Variants in PCNX4 observed in about 807,000 individuals in gnomAD.
The protein encoded by PCNX4 is pecanex-like protein 4.
In PCNX4, 103 loss-of-function variants were observed where a neutral mutation model predicts 107.2. That is an observed-to-expected ratio of 0.96 (90% confidence interval 0.82 to 1.13). PCNX4 has a LOEUF of 1.13. PCNX4 is among the 50% of genes most tolerant of loss of function. The pLI is 0.00. For missense variants in PCNX4, 1,528 were observed against 1,379.4 expected, an observed-to-expected ratio of 1.11 and a Z score of -1.71; for synonymous variants, 541 against 481.7, an observed-to-expected ratio of 1.12 and a Z score of -1.61.
chr14:60,147,083 C>T lies in PCNX4; in HGVS notation c.*12862C>T, dbSNP rs1004615628. 2 of 151,982 alleles carry T rather than the reference C, an allele frequency of 1.3e-5. No individual in the cohort carries two copies. Among genetic ancestry groups the T allele is most frequent in the African/African-American group, 2.4e-5 (1 of 41,372 alleles). The allele number at this position is 151,982 out of a possible 1,614,324, so 9.4% of individuals were successfully genotyped here. On this transcript the variant is annotated 3_prime_UTR_variant, in exon 11 of 11. Coordinates refer to ENST00000406854, the MANE Select transcript of PCNX4 (RefSeq NM_001330177.2). Reference sequence around the variant, plus strand: ...ACCCGTCTCTACAAAAACTACAAAACCTAGCCAGGCATGGTGGTGTGCGCC... The same window carrying T: ...ACCCGTCTCTACAAAAACTACAAAATCTAGCCAGGCATGGTGGTGTGCGCC...
intron 1 of PCNX4, among the ~76,000 whole-genome samples, chr14:60,095,370 CA>C (rs1487103218): frequency 6.6e-6 from 1 of 152,086 alleles, no homozygotes; most frequent in African/African-American, 2.4e-5. Context: ...TCTGGTGGGC[CA>C]GGGGTAACTG....
chr14:60,121,049 G>T, intron 7 of PCNX4, 147 bp from the exon 8 acceptor site: 1 of 995,528 alleles, frequency 1.0e-6, no homozygotes. Context: ...CACATGAATA[G>T]TTATTTCTGT....
At chr14:60,113,130 G>A (rs574009427) in intron 2 of PCNX4, among the ~76,000 whole-genome samples, 14 of 152,258 alleles carry the variant, frequency 9.2e-5, no homozygotes, top group Non-Finnish European at 1.9e-4. Flanking sequence ...GCAGTGAGCC[G>A]AGATTGCGCC....
At chr14:60,102,583 T>C (rs2140532897) in intron 1 of PCNX4, among the ~76,000 whole-genome samples, 1 of 152,310 alleles carries the variant, frequency 6.6e-6, no homozygotes, top group East Asian at 1.9e-4. Flanking sequence ...TCTGTGGCTA[T>C]TTTGTTGGCC....
intron 8 of PCNX4, among the ~76,000 whole-genome samples, chr14:60,122,717 A>G (rs1215860305): frequency 6.6e-6 from 1 of 152,092 alleles, no homozygotes; most frequent in African/African-American, 2.4e-5. Context: ...AAGCACAGGG[A>G]TCTCTTGTTT....
chr14:60,114,760 AT>A lies in PCNX4; in HGVS notation c.755del (p.Leu252TyrfsTer25), dbSNP rs768949823. 3 of 1,613,368 alleles carry A rather than the reference AT, an allele frequency of 1.9e-6. No individual in the cohort carries two copies. The African/African-American group carries it at 4.0e-5, about 22-fold the overall frequency. ...ATCAGATTTTACACATCTTGTTTGT[AT>A]TTTTACCCTTTCTGTGGGCACTTGG... ...MNQILHILFV[F>X]LPFLWALGTL... On this transcript the variant is annotated frameshift_variant, in exon 3 of 11. Coordinates refer to ENST00000406854, the MANE Select transcript of PCNX4 (RefSeq NM_001330177.2). LOFTEE classifies it high-confidence loss of function.
At chr14:60,118,211 A>C in intron 6 of PCNX4, 118 bp from the exon 7 acceptor site, 1 of 1,304,460 alleles carries the variant, frequency 7.7e-7, no homozygotes, top group Non-Finnish European at 9.9e-7. Flanking sequence ...AATAAGATTT[A>C]TTTCTTCAAA....
At chr14:60,125,358 ACTTT>A (rs927595467) in intron 9 of PCNX4, 107 bp downstream of exon 9, 2 of 1,193,204 alleles carry the variant, frequency 1.7e-6, no homozygotes, top group African/African-American at 3.1e-5. Context: ...TTTAAAATTT[ACTTT>A]CTTCAAAATG....
rs1285531662 is a variant in PCNX4 at position 60,118,361 on chromosome 14, C to T, written c.1611C>T (p.Phe537=). The part of the protein sequence containing the change: ...VGIIRDRLIQ[F]ISKLQFAVTV... ...TCATACGTGATCGTTTGATTCAGTT[C>T]ATCTCTAAATTGCAGTTTGCCGTGA... is the stretch of plus-strand genomic sequence containing the variant. The change falls in exon 7 of 11, where the codon TTC becomes TTT. Residue 537 remains phenylalanine, a synonymous_variant. Coordinates refer to ENST00000406854, the MANE Select transcript of PCNX4 (RefSeq NM_001330177.2). 1.9e-6 allele frequency: 3 copies of T among 1,612,410 alleles called. No homozygotes were observed. In the African/African-American group the frequency reaches 4.0e-5, roughly 22 times the overall value.
At chr14:60,128,385 C>A (rs1167478078) in intron 10 of PCNX4, among the ~76,000 whole-genome samples, 14 of 152,148 alleles carry the variant, frequency 9.2e-5, no homozygotes, top group Admixed American at 9.2e-4. Flanking sequence ...ATATAAAATT[C>A]TGATTTGTCA....
In PCNX4 at chr14:60,134,793, T is replaced by C. The variant is rs79386785; in HGVS notation, c.*572T>C. On this transcript the variant is annotated 3_prime_UTR_variant, in exon 11 of 11. Transcript: ENST00000406854. ...AAACTTTAAAAAACTTTTAATAAAA[T>C]ATTTTCCTTCCTTTTCAAATATCCT... The C allele has an allele frequency of 3.3e-3, 507 of 152,522 alleles. 17 individuals carry two copies. The East Asian group carries it at 0.056, about 17-fold the overall frequency. 9.4% of individuals were successfully genotyped at this position (152,522 alleles called of 1,614,324 possible).
intron 1 of PCNX4, among the ~76,000 whole-genome samples, chr14:60,101,761 C>T (rs1243919579): frequency 6.6e-6 from 1 of 151,942 alleles, no homozygotes; most frequent in Non-Finnish European, 1.5e-5. Context: ...GGTATTTATA[C>T]AAAATAATTG....
rs1385404043 is a variant in PCNX4, at chr14:60,141,044, GC to G, written c.*6825del. On this transcript the variant is annotated 3_prime_UTR_variant, in exon 11 of 11. Coordinates refer to ENST00000406854, the MANE Select transcript of PCNX4 (RefSeq NM_001330177.2). Reference sequence around the variant, plus strand: ...CCTACTTATAAAGATGAAAGAGGCAGCCATCCTCTTCCCTTCCTGAAAGAGT... The same window carrying G: ...CCTACTTATAAAGATGAAAGAGGCAGCATCCTCTTCCCTTCCTGAAAGAGT... 6.6e-6 allele frequency: 1 copy of G among 152,202 alleles called. No homozygotes were observed. Among genetic ancestry groups the G allele is most frequent in the East Asian group, 1.9e-4 (1 of 5,192 alleles). 9.4% of individuals were successfully genotyped at this position (152,202 alleles called of 1,614,324 possible). A position where few individuals can be genotyped will look rare whatever the true frequency, so the allele number is the denominator to read the frequency against.
At position 60,107,681 on chromosome 14, in the gene PCNX4, T is replaced by C. The variant is rs1307930874; in HGVS notation, c.43T>C (p.Phe15Leu). The change falls in exon 2 of 11, where the codon TTC (phenylalanine) becomes CTC (leucine). Residue 15 changes from phenylalanine (F) to leucine (L), a missense_variant. Coordinates refer to ENST00000406854, the MANE Select transcript of PCNX4 (RefSeq NM_001330177.2). ...TCTACTGAATGATTACAAGCAGGAC[T>C]TCTTTCTGAAGCGCTTTCCACAGAC... Reference protein sequence around the residue: ...VPLLNDYKQDFFLKRFPQTVL... With the variant: ...VPLLNDYKQDLFLKRFPQTVL... 3 of 1,612,874 alleles carry C rather than the reference T, an allele frequency of 1.9e-6. No individual in the cohort carries two copies. In the East Asian group the frequency reaches 6.7e-5, roughly 36 times the overall value.
intron 6 of PCNX4, among the ~76,000 whole-genome samples, chr14:60,117,016 T>A (rs1895862557): frequency 6.6e-6 from 1 of 152,124 alleles, no homozygotes; most frequent in East Asian, 1.9e-4. Context: ...TGTTTTAAGC[T>A]AAGTGTCATT....
chr14:60,108,867 T>A (rs894254191), intron 2 of PCNX4: 4 of 166,232 alleles, frequency 2.4e-5, no homozygotes, highest in African/African-American at 9.7e-5. Context: ...TAACCCCTTT[T>A]ACTTGCCTTT....
intron 10 of PCNX4, among the ~76,000 whole-genome samples, chr14:60,132,866 A>T (rs1896180704): frequency 6.6e-6 from 1 of 152,230 alleles, no homozygotes; most frequent in Admixed American, 6.5e-5. Flanking sequence ...ATAATTAGTC[A>T]TCAGGGAAGT....
Position 60,108,248 on chromosome 14 carries a change from A to T in PCNX4, c.610A>T (p.Thr204Ser), listed in dbSNP as rs765413930. The change falls in exon 2 of 11, where the codon ACA becomes TCA. Residue 204 changes from threonine to serine, a missense_variant. By Grantham distance (58) the Thr-to-Ser change is moderately conservative. Coordinates refer to ENST00000406854, the MANE Select transcript of PCNX4 (RefSeq NM_001330177.2). ...NTATETATFQ[T>S]QDTYEIIPLM... ...AGCTACAGAGACTGCGACTTTCCAA[A>T]CACAGGATACTTATGAAATTATTCC... 1 of 1,612,764 alleles carries T rather than the reference A, an allele frequency of 6.2e-7. No homozygotes were observed. The highest frequency in any genetic ancestry group is 8.5e-7 in the Non-Finnish European group (1 of 1,179,792).
Position 60,142,064 on chromosome 14 carries a change from A to C in PCNX4, c.*7843A>C, listed in dbSNP as rs1002830267. The C allele has an allele frequency of 3.9e-5, 6 of 152,336 alleles. No individual in the cohort carries two copies. The highest frequency in any genetic ancestry group is 1.2e-4 in the African/African-American group (5 of 41,566). The allele number at this position is 152,336 out of a possible 1,614,324, so 9.4% of individuals were successfully genotyped here. Reference sequence around the variant, plus strand: ...AATGCAAACTAATCTATAATAATGCAAGCACATCATTGGTTGCCTGGAATG... The same window carrying C: ...AATGCAAACTAATCTATAATAATGCCAGCACATCATTGGTTGCCTGGAATG... On this transcript the variant is annotated 3_prime_UTR_variant, in exon 11 of 11. Coordinates refer to ENST00000406854, the MANE Select transcript of PCNX4 (RefSeq NM_001330177.2). The surrounding 1 kb of genome is among the most constrained non-coding windows in gnomAD (Gnocchi z 4.7).
Sources: allele counts gnomAD v4.1 joint callset (sites outside exome capture counted in the v4.1 genomes callset), GRCh38; gene constraint gnomAD v4.1.1; non-coding constraint Gnocchi (gnomAD v3.1); transcripts MANE v1.5; gene names NCBI Gene and HGNC (gene_info 2026-07-23, HGNC 2026-07-21).